The following NRBP2 variants were observed in gnomAD, a reference collection of about 807,000 sequenced individuals.
NRBP2 encodes nuclear receptor-binding protein 2.
A neutral mutation model predicts 74.4 loss-of-function variants in NRBP2; 47 were observed. The ratio of observed to expected loss-of-function variants is 0.63; its 90% CI spans 0.50 to 0.81. NRBP2 has a LOEUF of 0.81. Ranked by LOEUF, NRBP2 falls within the 30% of genes least tolerant of loss-of-function variation. The pLI, the probability that NRBP2 is intolerant of heterozygous loss-of-function variation, is 0.00. For synonymous variants in NRBP2, 312 were observed against 273.8 expected (o/e 1.14, Z -1.38); for missense variants, 613 against 690.1 (o/e 0.89, Z 1.25).
Position 143,835,537 on chromosome 8 carries a change from T to C in NRBP2, c.*125A>G, listed in dbSNP as rs782795308. The C allele has an allele frequency of 8.9e-5, 74 of 826,848 alleles. No homozygotes were observed. Among genetic ancestry groups the C allele is most frequent in the Non-Finnish European group, 1.3e-4 (70 of 525,610 alleles). The allele number at this position is 826,848 out of a possible 1,614,324, so 51.2% of individuals were successfully genotyped here. ...CCACTCTCAGGAGACGGGGGGTTCC[T>C]TCACTACCGGGGCCTTTGTGCTCCC... On this transcript the variant is annotated 3_prime_UTR_variant, in exon 18 of 18. Transcript: ENST00000442628. This position sits in a 1 kb window ranked among gnomAD's most constrained non-coding sequence, Gnocchi z 4.9.
At position 143,839,757 on chromosome 8, in the gene NRBP2, G is replaced by A. The variant is rs1463745447; in HGVS notation, c.423C>T (p.Asn141=). 6.5e-7 allele frequency: 1 copy of A among 1,535,940 alleles called. No homozygotes were observed. Among genetic ancestry groups the A allele is most frequent in the East Asian group, 2.4e-5 (1 of 40,916 alleles). Residue 141 remains asparagine (N), a synonymous_variant, in exon 4 of 18, where the codon AAC becomes AAT. Transcript: ENST00000442628. This position sits in a 1 kb window ranked among gnomAD's most constrained non-coding sequence, Gnocchi z 5.1. ...ATACCCGGGCGTTCATGGCCTTGTG[G>A]TTCTTCTTGGTCTTTTTGAGGAATT... ...LKQFLKKTKK[N]HKAMNARAWK...
rs1267121895 is a variant in NRBP2 at position 143,840,178 on chromosome 8, T to C, written c.181A>G (p.Thr61Ala). The C allele has an allele frequency of 6.5e-7, 1 of 1,536,152 alleles. No individual in the cohort carries two copies. Among genetic ancestry groups the C allele is most frequent in the East Asian group, 2.4e-5 (1 of 40,914 alleles). Residue 61 changes from threonine (T) to alanine (A), a missense_variant, in exon 2 of 18, where the codon ACG (threonine) becomes GCG (alanine). Around this residue, in one of 2 missense-constraint regions of NRBP2, gnomAD observed 332 missense variants for 429.2 expected, o/e 0.77. Transcript: ENST00000442628. The surrounding 1 kb of genome is among the most constrained non-coding windows in gnomAD (Gnocchi z 5.7). Reference sequence around the variant, plus strand: ...CACACCACCTCTACCCCCTCCTCCGTGTCCATGGCTAGGAAGGTGCTCTGA... The same window carrying C: ...CACACCACCTCTACCCCCTCCTCCGCGTCCATGGCTAGGAAGGTGCTCTGA... ...GLQSTFLAMD[T>A]EEGVEVVWNE...
Position 143,839,128 on chromosome 8 carries a change from C to CG in NRBP2, c.605-29dup. Reference sequence around the variant, plus strand: ...GTGGGAGGGCGCAGAGCTGAGCGGGCGGGGACCTCTCCAGGACCCCGTCCC... The same window carrying CG: ...GTGGGAGGGCGCAGAGCTGAGCGGGCGGGGGACCTCTCCAGGACCCCGTCCC... On this transcript the variant is annotated intron_variant, in intron 7 of 17. Transcript: ENST00000442628. This position sits in a 1 kb window ranked among gnomAD's most constrained non-coding sequence, Gnocchi z 5.1. 6.6e-7 allele frequency: 1 copy of CG among 1,511,428 alleles called. No individual in the cohort carries two copies. The highest frequency in any genetic ancestry group is 8.8e-7 in the Non-Finnish European group (1 of 1,132,046). 93.6% of individuals were successfully genotyped at this position (1,511,428 alleles called of 1,614,324 possible).
At chr8:143,830,323 GAAAGCACAGCTACAGA>G (rs1818100066), downstream of NRBP2, among the ~76,000 whole-genome samples, 1 of 152,264 alleles carries the variant, frequency 6.6e-6, no homozygotes, top group Non-Finnish European at 1.5e-5. Context: ...GGTCGTGGGT[GAAAGCACAGCTACAGA>G]AAGGAAACCC....
rs528543383 is a variant in NRBP2 at position 143,839,247 on chromosome 8, C to T, written c.581-52G>A. 15 of 1,535,178 alleles carry T rather than the reference C, an allele frequency of 9.8e-6. No homozygotes were observed. The East Asian group carries it at 3.2e-4, about 33-fold the overall frequency. On this transcript the variant is annotated intron_variant, in intron 6 of 17. Coordinates refer to ENST00000442628, the MANE Select transcript of NRBP2 (RefSeq NM_178564.4). This position sits in a 1 kb window ranked among gnomAD's most constrained non-coding sequence, Gnocchi z 5.1. ...AGTTAGCTGCTGGGGCATCAGAACT[C>T]CTCTGCCCTTGGCTCCAGGCACCTT...
Position 143,840,942 on chromosome 8 carries a change from C to A in NRBP2, c.-108G>T. On this transcript the variant is annotated 5_prime_UTR_variant, in exon 1 of 18. Transcript: ENST00000442628. This position sits in a 1 kb window ranked among gnomAD's most constrained non-coding sequence, Gnocchi z 5.7. ...GCAGCCCAGCCTAGAGCCGCCGCGG[C>A]AGCCTAGAGCCCCAGCCCCGGCTCT... 1 of 1,154,300 alleles carries A rather than the reference C, an allele frequency of 8.7e-7. No individual in the cohort carries two copies. The allele number at this position is 1,154,300 out of a possible 1,614,324, so 71.5% of individuals were successfully genotyped here.
chr8:143,840,711 C>G lies in NRBP2; in HGVS notation c.124G>C (p.Glu42Gln). ...SPCGRWQKRR[E>Q]QVNQGNMPGL... ...GCCCCAACCCCCGCGCCCACCTGCT[C>G]CCGTCGCTTTTGCCAGCGACCACAC... The change falls in exon 1 of 18, where the codon GAG (glutamate) becomes CAG (glutamine). Residue 42 changes from glutamate (E) to glutamine (Q), a missense_variant. Physicochemically the swap from Glu to Gln is conservative, Grantham distance 29. Coordinates refer to ENST00000442628, the MANE Select transcript of NRBP2 (RefSeq NM_178564.4). This position sits in a 1 kb window ranked among gnomAD's most constrained non-coding sequence, Gnocchi z 5.7. 6.6e-7 allele frequency: 1 copy of G among 1,505,928 alleles called. No individual in the cohort carries two copies. Among genetic ancestry groups the G allele is most frequent in the East Asian group, 2.7e-5 (1 of 37,136 alleles). The allele number at this position is 1,505,928 out of a possible 1,614,324, so 93.3% of individuals were successfully genotyped here. A position where few individuals can be genotyped will look rare whatever the true frequency, so the allele number is the denominator to read the frequency against.
In NRBP2 at chr8:143,835,884, A is replaced by G. The variant is rs1554651493; in HGVS notation, c.1382-9T>C. The G allele has an allele frequency of 3.1e-6, 5 of 1,602,848 alleles. No homozygotes were observed. Among genetic ancestry groups the G allele is most frequent in the East Asian group, 2.2e-5 (1 of 44,658 alleles). ...GTCCTGGGCGCTGTCCGCTGAGGCAATGGCGTAAGGCGAGGCATGAGGCCG... is the reference window on the plus strand; with the variant it reads ...GTCCTGGGCGCTGTCCGCTGAGGCAGTGGCGTAAGGCGAGGCATGAGGCCG... On this transcript the variant is annotated splice_polypyrimidine_tract_variant and intron_variant, in intron 16 of 17. Coordinates refer to ENST00000442628, the MANE Select transcript of NRBP2 (RefSeq NM_178564.4). This position sits in a 1 kb window ranked among gnomAD's most constrained non-coding sequence, Gnocchi z 4.9.
At position 143,839,568 on chromosome 8, in the gene NRBP2, C is replaced by G. The variant is rs1271814206; in HGVS notation, c.445-19G>C. ...TCCAGGCCTGGCGGCGGACGCACGA[C>G]TCCGTCGGTCGGGTGGGCGCAGGAG... On this transcript the variant is annotated intron_variant, in intron 4 of 17. Transcript: ENST00000442628. This position sits in a 1 kb window ranked among gnomAD's most constrained non-coding sequence, Gnocchi z 5.1. The G allele has an allele frequency of 6.5e-7, 1 of 1,528,060 alleles. No individual in the cohort carries two copies. Among genetic ancestry groups the G allele is most frequent in the Admixed American group, 2.0e-5 (1 of 50,432 alleles). The allele number at this position is 1,528,060 out of a possible 1,614,324, so 94.7% of individuals were successfully genotyped here.
At position 143,837,317 on chromosome 8, in the gene NRBP2, G is replaced by A. The variant is rs1554652111; in HGVS notation, c.1077-18C>T. 6.2e-7 allele frequency: 1 copy of A among 1,602,596 alleles called. No individual in the cohort carries two copies. Among genetic ancestry groups the A allele is most frequent in the Non-Finnish European group, 8.5e-7 (1 of 1,174,834 alleles). On this transcript the variant is annotated intron_variant, in intron 12 of 17. Transcript: ENST00000442628. The surrounding 1 kb of genome is among the most constrained non-coding windows in gnomAD (Gnocchi z 4.3). ...CCGAGTACCTGGCATGGAAGTGGGA[G>A]GCACATGAGGGGCTGGCCGGGGCGA...
rs1475125117 is a variant in NRBP2, at chr8:143,833,615, ATTAT to A, written c.*2043_*2046del. 4 of 152,328 alleles carry A rather than the reference ATTAT, an allele frequency of 2.6e-5. No homozygotes were observed. The highest frequency in any genetic ancestry group is 5.9e-5 in the Non-Finnish European group (4 of 68,032). The allele number at this position is 152,328 out of a possible 1,614,324, so 9.4% of individuals were successfully genotyped here. A position where few individuals can be genotyped will look rare whatever the true frequency, so the allele number is the denominator to read the frequency against. On this transcript the variant is annotated 3_prime_UTR_variant, in exon 18 of 18. Transcript: ENST00000442628. ...AGGATCAGAGTAGGAGCCTGCATTT[ATTAT>A]TTATTATTGGCCTCAAAAAAAAAAC...
In NRBP2 at chr8:143,837,344, G is replaced by C. The variant is rs782394830; in HGVS notation, c.1077-45C>G. ...CACATGAGGGGCTGGCCGGGGCGAG[G>C]GGAGGGGAGGTGCGGGGAGGGGAGG... is the stretch of plus-strand genomic sequence containing the variant. On this transcript the variant is annotated intron_variant, in intron 12 of 17. Coordinates refer to ENST00000442628, the MANE Select transcript of NRBP2 (RefSeq NM_178564.4). The surrounding 1 kb of genome is among the most constrained non-coding windows in gnomAD (Gnocchi z 4.3). The C allele has an allele frequency of 3.8e-6, 6 of 1,573,028 alleles. No individual in the cohort carries two copies. The highest frequency in any genetic ancestry group is 5.2e-6 in the Non-Finnish European group (6 of 1,153,458).
rs1554650893 is a variant in NRBP2, at chr8:143,834,207, T to C, written c.*1455A>G. 1 of 152,246 alleles carries C rather than the reference T, an allele frequency of 6.6e-6. No homozygotes were observed. The highest frequency in any genetic ancestry group is 2.4e-5 in the African/African-American group (1 of 41,456). 9.4% of individuals were successfully genotyped at this position (152,246 alleles called of 1,614,324 possible). On this transcript the variant is annotated 3_prime_UTR_variant, in exon 18 of 18. Coordinates refer to ENST00000442628, the MANE Select transcript of NRBP2 (RefSeq NM_178564.4). ...GGCCCAACCTAATCTCATGAGTCCTTAGGGACAACCTTTCCTGTCTGCAGG... is the reference window on the plus strand; with the variant it reads ...GGCCCAACCTAATCTCATGAGTCCTCAGGGACAACCTTTCCTGTCTGCAGG...
rs1554652203 is a variant in NRBP2 at position 143,837,464 on chromosome 8, T to G, written c.1019A>C (p.Asp340Ala). The stretch of plus-strand genomic sequence containing the variant: ...AAGCTCCGCCAAGACCGCGTGCAGG[T>G]CCATGGCCTTGGTCTTCTCCTCCAC... ...NVVEEKTKAM[D>A]LHAVLAELPR... Residue 340 changes from aspartate to alanine, a missense_variant, in exon 12 of 18, where the codon GAC becomes GCC. Asp to Ala is a moderately radical substitution (Grantham distance 126). Coordinates refer to ENST00000442628, the MANE Select transcript of NRBP2 (RefSeq NM_178564.4). This position sits in a 1 kb window ranked among gnomAD's most constrained non-coding sequence, Gnocchi z 4.3. 1 of 1,610,950 alleles carries G rather than the reference T, an allele frequency of 6.2e-7. No homozygotes were observed. Among genetic ancestry groups the G allele is most frequent in the Admixed American group, 1.7e-5 (1 of 59,854 alleles).
chr8:143,835,843 C>T lies in NRBP2; in HGVS notation c.1414G>A (p.Val472Met), dbSNP rs781803631. The change falls in exon 17 of 18, where the codon GTG (valine) becomes ATG (methionine). Residue 472 changes from valine to methionine, a missense_variant. By Grantham distance (21) the Val-to-Met change is conservative. This residue lies in a region of NRBP2 where 281 missense variants were observed against 260.9 expected (regional missense o/e 1.08). Transcript: ENST00000442628. The surrounding 1 kb of genome is among the most constrained non-coding windows in gnomAD (Gnocchi z 4.9). ...ACCTCGTGGAGGAAGCCATAGTGCA[C>T]GAGCTCCGAGGCGAGGTCCTGGGCG... ...DSAQDLASEL[V>M]HYGFLHEDDR... is the part of the protein sequence containing the mutation. The T allele has an allele frequency of 6.9e-6, 11 of 1,600,852 alleles. No individual in the cohort carries two copies. The highest frequency in any genetic ancestry group is 5.4e-5 in the African/African-American group (4 of 74,758).
Position 143,839,387 on chromosome 8 carries a change from G to C in NRBP2, c.507C>G (p.Pro169=). The change falls in exon 6 of 18, where the codon CCC becomes CCG. Residue 169 remains proline, a synonymous_variant. Transcript: ENST00000442628. This position sits in a 1 kb window ranked among gnomAD's most constrained non-coding sequence, Gnocchi z 5.1. ...TGGTCAGGTTCCCGTGGATGATTGGGGGGCTGCAGGCGTGCAGGAAGCTGC... is the reference window on the plus strand; with the variant it reads ...TGGTCAGGTTCCCGTGGATGATTGGCGGGCTGCAGGCGTGCAGGAAGCTGC... ...SALSFLHACS[P]PIIHGNLTSD... The C allele has an allele frequency of 6.3e-7, 1 of 1,584,802 alleles. No individual in the cohort carries two copies. The highest frequency in any genetic ancestry group is 8.5e-7 in the Non-Finnish European group (1 of 1,172,920).
At position 143,836,846 on chromosome 8, in the gene NRBP2, G is replaced by A. The variant is rs1376224667; in HGVS notation, c.1263+193C>T. ...GATCTGAGGGGACAGGGAGCCTCCCGGAAAAGGAGAGTGCCCAGCCTGTCC... is the reference window on the plus strand; with the variant it reads ...GATCTGAGGGGACAGGGAGCCTCCCAGAAAAGGAGAGTGCCCAGCCTGTCC... On this transcript the variant is annotated intron_variant, in intron 14 of 17. Transcript: ENST00000442628. Among the ~76,000 whole-genome samples, 8 of 152,094 alleles carry A rather than the reference G, an allele frequency of 5.3e-5. No homozygotes were observed. The East Asian group carries it at 5.8e-4, about 11-fold the overall frequency.
chr8:143,840,511 G>T lies in NRBP2; in HGVS notation c.129+195C>A. On this transcript the variant is annotated intron_variant, in intron 1 of 17. Transcript: ENST00000442628. The surrounding 1 kb of genome is among the most constrained non-coding windows in gnomAD (Gnocchi z 5.7). ...GCATGGGGAGGTGGTCCTGGGAGGA[G>T]ACTGGCCCTCAGGGAGTCCCAGGGC... The T allele has an allele frequency of 1.5e-6, 1 of 665,004 alleles. No homozygotes were observed. The highest frequency in any genetic ancestry group is 2.8e-5 in the East Asian group (1 of 35,492). 41.2% of individuals were successfully genotyped at this position (665,004 alleles called of 1,614,324 possible). A position where few individuals can be genotyped will look rare whatever the true frequency, so the allele number is the denominator to read the frequency against.
Position 143,839,886 on chromosome 8 carries a change from C to CT in NRBP2, c.354+42dup, listed in dbSNP as rs148034512. ...GGGTTCGTCCCCATGCCCGCCCCAC[C>CT]TAGCTGTGGTCTCTGCCTGCCCGGG... On this transcript the variant is annotated intron_variant, in intron 3 of 17. Transcript: ENST00000442628. This position sits in a 1 kb window ranked among gnomAD's most constrained non-coding sequence, Gnocchi z 5.1. The CT allele has an allele frequency of 1.5e-4, 230 of 1,535,088 alleles. No individual in the cohort carries two copies. The African/African-American group carries it at 3.0e-3, about 20-fold the overall frequency.
Sources: allele counts gnomAD v4.1 joint callset (sites outside exome capture counted in the v4.1 genomes callset), GRCh38; gene constraint gnomAD v4.1.1; regional missense constraint gnomAD v4.1.1; non-coding constraint Gnocchi (gnomAD v3.1); transcripts MANE v1.5; gene names NCBI Gene and HGNC (gene_info 2026-07-23, HGNC 2026-07-21).